The following B3GAT2 variants were observed in gnomAD, a reference collection of about 807,000 sequenced individuals.
The protein encoded by B3GAT2 is galactosylgalactosylxylosylprotein 3-beta-glucuronosyltransferase 2.
In B3GAT2, 26 loss-of-function variants were observed where a neutral mutation model predicts 27.8. That is an observed-to-expected ratio of 0.93 (90% CI 0.68 to 1.30). B3GAT2 has a LOEUF of 1.30. Ranked by LOEUF, B3GAT2 falls within the 50% of genes most tolerant of loss-of-function variation. B3GAT2 has a pLI of 0.00. For missense variants in B3GAT2, 458 were observed against 459.0 expected (o/e 1.00, Z 0.02); for synonymous variants, 218 against 195.1 (o/e 1.12, Z -0.98).
intron 1 of B3GAT2, among the ~76,000 whole-genome samples, chr6:70,954,923 G>GGGC (rs1489138586): frequency 7.9e-5 from 12 of 151,218 alleles, no homozygotes; most frequent in South Asian, 4.2e-4. Context: ...GGCGGGGGGG[G>GGGC]GCGGTGCGCG....
rs544574604 is a variant in B3GAT2, at chr6:70,857,760, T to G, written c.*3903A>C. 1.6e-6 allele frequency: 1 copy of G among 644,398 alleles called. No homozygotes were observed. The highest frequency in any genetic ancestry group is 2.6e-6 in the Non-Finnish European group (1 of 378,172). 39.9% of individuals were successfully genotyped at this position (644,398 alleles called of 1,614,324 possible). A position where few individuals can be genotyped will look rare whatever the true frequency, so the allele number is the denominator to read the frequency against. ...TCTGCATCCTAGAAACAACCAGCTCTCAGGGTTTAGGTGTGGGTTGGTCTG... is the reference window on the plus strand; with the variant it reads ...TCTGCATCCTAGAAACAACCAGCTCGCAGGGTTTAGGTGTGGGTTGGTCTG... On this transcript the variant is annotated 3_prime_UTR_variant, in exon 4 of 4. Transcript: ENST00000230053.
At chr6:70,902,635 T>TACAC (rs748935490) in intron 1 of B3GAT2, among the ~76,000 whole-genome samples, 8 of 143,202 alleles carry the variant, frequency 5.6e-5, no homozygotes, top group African/African-American at 1.8e-4. Context: ...TATATATATA[T>TACAC]ATACACACAC....
At chr6:70,890,304 T>C (rs141304317) in intron 2 of B3GAT2, among the ~76,000 whole-genome samples, 2,860 of 152,084 alleles carry the variant, frequency 0.019, 34 homozygotes, top group Middle Eastern at 0.031. Context: ...CAGGATGCAA[T>C]CCGAGGCTGC....
chr6:70,891,154 A>C (rs998257596), intron 2 of B3GAT2, among the ~76,000 whole-genome samples: 7 of 152,144 alleles, frequency 4.6e-5, no homozygotes, highest in Non-Finnish European at 8.8e-5. Flanking sequence ...CTGAGGTGTA[A>C]GAATTGAATT....
intron 1 of B3GAT2, among the ~76,000 whole-genome samples, chr6:70,929,232 A>C (rs889998717): frequency 5.3e-5 from 8 of 152,154 alleles, no homozygotes; most frequent in African/African-American, 1.9e-4. Context: ...TAGCATTAGG[A>C]GATATACCTA....
intron 1 of B3GAT2, among the ~76,000 whole-genome samples, chr6:70,954,749 C>A (rs756348830): frequency 1.3e-5 from 2 of 152,108 alleles, no homozygotes; most frequent in African/African-American, 4.8e-5. Context: ...TCTCACAGGG[C>A]GTCAAATCAA....
chr6:70,911,338 G>A (rs974138109), intron 1 of B3GAT2, among the ~76,000 whole-genome samples: 27 of 152,126 alleles, frequency 1.8e-4, no homozygotes, highest in African/African-American at 6.5e-4. Flanking sequence ...TATGGTGATA[G>A]GAAGTGGTCT....
At chr6:70,927,230 T>C (rs1298129059) in intron 1 of B3GAT2, among the ~76,000 whole-genome samples, 1 of 152,128 alleles carries the variant, frequency 6.6e-6, no homozygotes, top group Non-Finnish European at 1.5e-5. Flanking sequence ...ATAGGCCAAA[T>C]TGTAAAGACC....
intron 1 of B3GAT2, among the ~76,000 whole-genome samples, chr6:70,916,561 A>G (rs574815500): frequency 1.3e-5 from 2 of 152,262 alleles, no homozygotes; most frequent in African/African-American, 4.8e-5. Flanking sequence ...CTGTTTTGAG[A>G]TACATTCTAT....
chr6:70,937,637 A>G lies in B3GAT2; in HGVS notation c.591+18202T>C, dbSNP rs1390332322. Among the ~76,000 whole-genome samples the G allele has an allele frequency of 1.5e-4, 23 of 151,774 alleles. 1 individual carries two copies. The highest frequency in any genetic ancestry group is 5.5e-4 in the African/African-American group (23 of 41,478). On this transcript the variant is annotated intron_variant, in intron 1 of 3. Transcript: ENST00000230053. The stretch of plus-strand genomic sequence containing the variant: ...AAATGTAATCCAGCATATAAACAGA[A>G]CCAAAGACAAAAACCACATGATTAT...
At chr6:70,930,388 C>T (rs1164727848) in intron 1 of B3GAT2, among the ~76,000 whole-genome samples, 2 of 152,148 alleles carry the variant, frequency 1.3e-5, no homozygotes, top group Non-Finnish European at 2.9e-5. Flanking sequence ...AAGAAACTAC[C>T]ATCAGAGTGA....
intron 2 of B3GAT2, among the ~76,000 whole-genome samples, chr6:70,864,909 G>A (rs954332365): frequency 6.6e-6 from 1 of 152,018 alleles, no homozygotes; most frequent in African/African-American, 2.4e-5. Flanking sequence ...AGTCATGGGA[G>A]TAGGATTTTC....
intron 2 of B3GAT2, among the ~76,000 whole-genome samples, chr6:70,891,189 C>T (rs1772282628): frequency 6.6e-6 from 1 of 152,174 alleles, no homozygotes; most frequent in South Asian, 2.1e-4. Flanking sequence ...AGTAGAAACC[C>T]CCCAGGGCCT....
At chr6:70,939,077 C>T (rs1274018824) in intron 1 of B3GAT2, among the ~76,000 whole-genome samples, 1 of 151,980 alleles carries the variant, frequency 6.6e-6, no homozygotes, top group Non-Finnish European at 1.5e-5. Flanking sequence ...ACCCCATCAA[C>T]AAGTGGGCGA....
chr6:70,956,304 G>T lies in B3GAT2; in HGVS notation c.126C>A (p.Pro42=). ...PPLTPRPYFS[P]YAVGRGGARL... ...GGGCGCCCCCGCGGCCCACCGCGTA[G>T]GGAGAGAAGTAGGGGCGCGGGGTGA... is the stretch of plus-strand genomic sequence containing the variant. The change falls in exon 1 of 4, where the codon CCC becomes CCA. Residue 42 remains proline, a synonymous_variant. Transcript: ENST00000230053. 1 of 1,598,372 alleles carries T rather than the reference G, an allele frequency of 6.3e-7. No homozygotes were observed. The highest frequency in any genetic ancestry group is 8.5e-7 in the Non-Finnish European group (1 of 1,172,132).
chr6:70,928,749 T>A (rs1015714169), intron 1 of B3GAT2, among the ~76,000 whole-genome samples: 14 of 152,056 alleles, frequency 9.2e-5, no homozygotes, highest in African/African-American at 3.4e-4. Flanking sequence ...CTGAATTCTA[T>A]CAGAGGTACC....
At chr6:70,886,513 T>C (rs552617887) in intron 2 of B3GAT2, among the ~76,000 whole-genome samples, 3 of 152,118 alleles carry the variant, frequency 2.0e-5, no homozygotes, top group Non-Finnish European at 4.4e-5. Context: ...CTCCAATATG[T>C]AAATGCAGAG....
Position 70,956,071 on chromosome 6 carries a change from GC to G in B3GAT2, c.358del (p.Ala120ArgfsTer7), listed in dbSNP as rs1467825679. ...QLHWILVEDA[A>X]ARSELVSRFL... ...GCGGCTCACCAGCTCGCTGCGCGCCGCCGCGTCCTCCACCAGGATCCAGTGC... is the reference window on the plus strand; with the variant it reads ...GCGGCTCACCAGCTCGCTGCGCGCCGCGCGTCCTCCACCAGGATCCAGTGC... On this transcript the variant is annotated frameshift_variant, in exon 1 of 4. Coordinates refer to ENST00000230053, the MANE Select transcript of B3GAT2 (RefSeq NM_080742.3). LOFTEE classifies it high-confidence loss of function. 1 of 1,590,536 alleles carries G rather than the reference GC, an allele frequency of 6.3e-7. No homozygotes were observed. The highest frequency in any genetic ancestry group is 8.5e-7 in the Non-Finnish European group (1 of 1,172,628).
chr6:70,903,305 G>A (rs909053420), intron 1 of B3GAT2, among the ~76,000 whole-genome samples: 2 of 151,892 alleles, frequency 1.3e-5, no homozygotes, highest in African/African-American at 4.8e-5. Flanking sequence ...CTTAGGGTAG[G>A]CAAAACTTCC....
Sources: gnomAD v4.1 joint callset for allele counts (sites outside exome capture counted in the v4.1 genomes callset) on GRCh38, gnomAD v4.1.1 for gene constraint, MANE v1.5 for transcripts, NCBI Gene and HGNC (gene_info 2026-07-23, HGNC 2026-07-21) for gene names.